Variants in DGKB observed in about 807,000 individuals in gnomAD.
The protein encoded by DGKB is diacylglycerol kinase beta.
A neutral mutation model predicts 114.3 loss-of-function variants in DGKB; 67 were observed. That is an observed-to-expected ratio of 0.59 (90% CI 0.48 to 0.72). DGKB has a LOEUF of 0.72. Ranked by LOEUF, DGKB falls within the 30% of genes least tolerant of loss-of-function variation. The pLI is 0.00. For synonymous variants in DGKB, 398 were observed against 323.1 expected (o/e 1.23, Z -2.49); for missense variants, 907 against 975.2 (o/e 0.93, Z 0.93).
chr7:14,695,494 CT>C (rs1173622205), intron 8 of DGKB, among the ~76,000 whole-genome samples: 112 of 75,152 alleles, frequency 1.5e-3, no homozygotes, highest in African/African-American at 2.8e-3. Context: ...CTCTCTCTCT[CT>C]TTTTTTTTTT....
intron 14 of DGKB, among the ~76,000 whole-genome samples, chr7:14,626,029 C>T (rs73053206): frequency 0.048 from 7,326 of 152,064 alleles, 223 homozygotes; most frequent in Non-Finnish European, 0.066. Flanking sequence ...GCCAAAAAGA[C>T]CATTCACAGA....
At chr7:14,747,189 T>A (rs1415831061) in intron 4 of DGKB, among the ~76,000 whole-genome samples, 1 of 78,534 alleles carries the variant, frequency 1.3e-5, no homozygotes, top group African/African-American at 3.3e-4. Context: ...CACAAACCTC[T>A]TTTTTTTTTT....
chr7:14,883,680 C>G (rs1470011980), intron 1 of DGKB, among the ~76,000 whole-genome samples: 1 of 151,708 alleles, frequency 6.6e-6, no homozygotes, highest in African/African-American at 2.4e-5. Context: ...TTTTTCGGAA[C>G]CTTTATGAAA....
intron 3 of DGKB, 112 bp downstream of exon 3, chr7:14,757,543 T>A: frequency 1.6e-6 from 1 of 608,034 alleles, no homozygotes. Flanking sequence ...AATGTATATG[T>A]GTACATATAC....
In DGKB at chr7:14,319,577, A is replaced by G. The variant is rs777239747; in HGVS notation, c.2122+18938T>C. Among the ~76,000 whole-genome samples the G allele has an allele frequency of 5.3e-5, 8 of 152,304 alleles. No homozygotes were observed. The South Asian group carries it at 8.3e-4, about 16-fold the overall frequency. On this transcript the variant is annotated intron_variant, in intron 23 of 25. Coordinates refer to ENST00000402815, the MANE Select transcript of DGKB (RefSeq NM_001350709.2). ...AAGCAAAAGTTCTTTAGGATTTTCA[A>G]TAATTTTTAAGAGTATGAAGGGATC...
At chr7:14,167,897 C>A (rs10263776) in intron 25 of DGKB, among the ~76,000 whole-genome samples, 70,704 of 151,924 alleles carry the variant, frequency 0.47, 17,191 homozygotes, top group African/African-American at 0.61. Flanking sequence ...AATATTAAAA[C>A]TGTTCAGAAT....
intron 21 of DGKB, among the ~76,000 whole-genome samples, chr7:14,389,912 A>G (rs1821061830): frequency 6.6e-6 from 1 of 152,202 alleles, no homozygotes; most frequent in Non-Finnish European, 1.5e-5. Context: ...TAAATGGACT[A>G]CATCCATCAG....
At chr7:14,434,538 A>C (rs2128797782) in intron 21 of DGKB, among the ~76,000 whole-genome samples, 1 of 152,218 alleles carries the variant, frequency 6.6e-6, no homozygotes, top group African/African-American at 2.4e-5. Flanking sequence ...ATGCTGGAAA[A>C]CATACAAAAG....
At chr7:14,393,025 A>G (rs1436219130) in intron 21 of DGKB, among the ~76,000 whole-genome samples, 7 of 4,106 alleles carry the variant, frequency 1.7e-3, no homozygotes, top group African/African-American at 2.5e-3. Context: ...GAGTCTCGCT[A>G]TCGCCCAGGC....
In DGKB at chr7:14,697,776, G is replaced by GAAAGAAAGAAAGAAAGAAAGAAACAA. The variant is rs781493498; in HGVS notation, c.591+318_591+319insTTGTTTCTTTCTTTCTTTCTTTCTTT. 2.9e-3 allele frequency among the ~76,000 whole-genome samples: 290 copies of GAAAGAAAGAAAGAAAGAAAGAAACAA among 100,774 alleles called. 2 individuals carry two copies. The highest frequency in any genetic ancestry group is 0.011 in the African/African-American group (275 of 24,726). The allele number at this position is 100,774 out of a possible 152,430, so 66.1% of individuals were successfully genotyped here. ...AGAAAGAAAGAAAGAAAGAAACAAA[G>GAAAGAAAGAAAGAAAGAAAGAAACAA]AGAAAGAAAGAAAGGAAGGAAGGAA... On this transcript the variant is annotated intron_variant, in intron 8 of 25. Transcript: ENST00000402815.
intron 25 of DGKB, among the ~76,000 whole-genome samples, chr7:14,157,250 T>G (rs1584106419): frequency 6.6e-6 from 1 of 152,036 alleles, no homozygotes; most frequent in South Asian, 2.1e-4. Flanking sequence ...GAAACCATTT[T>G]GAATTCATGT....
intron 2 of DGKB, among the ~76,000 whole-genome samples, chr7:14,769,070 T>TAAGAAAGAAAGAAAGAAAGAAAGA (rs5882458): frequency 1.2e-5 from 1 of 84,268 alleles, no homozygotes; most frequent in Non-Finnish European, 2.3e-5. Context: ...TTTTTAAAGA[T>TAAGAAAGAAAGAAAGAAAGAAAGA]AAGAAAGAAA....
At chr7:14,663,669 C>T (rs1422270228) in intron 13 of DGKB, among the ~76,000 whole-genome samples, 2 of 144,684 alleles carry the variant, frequency 1.4e-5, no homozygotes, top group East Asian at 4.1e-4. Flanking sequence ...CTCCTTCCCG[C>T]TCCCCTCCCC....
chr7:14,305,562 C>A (rs1007504628), intron 23 of DGKB, among the ~76,000 whole-genome samples: 6 of 152,094 alleles, frequency 3.9e-5, no homozygotes, highest in Admixed American at 6.6e-5. Context: ...CTATTCAGGG[C>A]TGGAATTCAA....
At chr7:14,228,483 T>G (rs1791183030) in intron 23 of DGKB, among the ~76,000 whole-genome samples, 1 of 151,938 alleles carries the variant, frequency 6.6e-6, no homozygotes, top group African/African-American at 2.4e-5. Context: ...GACACTAAAT[T>G]TAATATGAGT....
intron 23 of DGKB, among the ~76,000 whole-genome samples, chr7:14,183,893 G>T (rs188276170): frequency 1.2e-4 from 19 of 152,280 alleles, no homozygotes; most frequent in Admixed American, 1.1e-3. Flanking sequence ...CAGCAATCTC[G>T]AGAGGACACA....
intron 1 of DGKB, among the ~76,000 whole-genome samples, chr7:14,882,071 A>G (rs1854313048): frequency 6.6e-6 from 1 of 152,086 alleles, no homozygotes; most frequent in Non-Finnish European, 1.5e-5. Flanking sequence ...TTAACTTAAA[A>G]AAAAATTCTA....
chr7:14,737,975 GT>G lies in DGKB; in HGVS notation c.169-1782del, dbSNP rs564606039. On this transcript the variant is annotated intron_variant, in intron 4 of 25. Coordinates refer to ENST00000402815, the MANE Select transcript of DGKB (RefSeq NM_001350709.2). ...AAAAACTCTGAGTAATATAAAAAAT[GT>G]GAAGAATAGCCTCAGGTAGGAGAAG... is the stretch of plus-strand genomic sequence containing the variant. Among the ~76,000 whole-genome samples, 137 of 151,800 alleles carry G rather than the reference GT, an allele frequency of 9.0e-4. 1 individual carries two copies. The highest frequency in any genetic ancestry group is 3.1e-3 in the African/African-American group (128 of 41,440).
At chr7:14,966,951 A>C (rs1259891354) in intron 1 of DGKB, among the ~76,000 whole-genome samples, 1 of 152,192 alleles carries the variant, frequency 6.6e-6, no homozygotes, top group Admixed American at 6.5e-5. Context: ...TCTTAAGGAA[A>C]TATTATGCAT....
Sources: gnomAD v4.1 joint callset for allele counts (sites outside exome capture counted in the v4.1 genomes callset) on GRCh38, gnomAD v4.1.1 for gene constraint, MANE v1.5 for transcripts, NCBI Gene and HGNC (gene_info 2026-07-23, HGNC 2026-07-21) for gene names.